The following RAB27B variants were observed in gnomAD, a reference collection of about 807,000 sequenced individuals.
RAB27B encodes ras-related protein Rab-27B.
In RAB27B, 15 loss-of-function variants were observed where a neutral mutation model predicts 24.6. The ratio of observed to expected loss-of-function variants is 0.61; its 90% CI spans 0.41 to 0.94. The LOEUF is 0.94. RAB27B is among the 40% of genes least tolerant of loss of function. The pLI is 0.00. For synonymous variants in RAB27B, 105 were observed against 92.5 expected (o/e 1.14, Z -0.78); for missense variants, 261 against 266.8 (o/e 0.98, Z 0.15).
At chr18:54,825,854 C>A (rs1014076390), upstream of RAB27B, among the ~76,000 whole-genome samples, 3 of 152,308 alleles carry the variant, frequency 2.0e-5, no homozygotes, top group Non-Finnish European at 4.4e-5. Context: ...TTTACCCCAC[C>A]ACCTGGCCTC....
chr18:54,873,726 TGTGA>T (rs1912575422), intron 1 of RAB27B, among the ~76,000 whole-genome samples: 4 of 147,936 alleles, frequency 2.7e-5, no homozygotes, highest in African/African-American at 1.0e-4. Context: ...TGTGTGTGTG[TGTGA>T]GTGTGTTGAC....
At chr18:54,752,221 G>C (rs1396224921) in intron 2 of RAB27B, among the ~76,000 whole-genome samples, 1 of 151,886 alleles carries the variant, frequency 6.6e-6, no homozygotes, top group African/African-American at 2.4e-5. Flanking sequence ...TCTATATATG[G>C]GCACTAACTG....
chr18:54,871,240 G>T (rs1425733946), intron 1 of RAB27B, among the ~76,000 whole-genome samples: 1 of 152,114 alleles, frequency 6.6e-6, no homozygotes, highest in South Asian at 2.1e-4. Context: ...CCTCAGAAAC[G>T]TGCCTTCTGT....
chr18:54,790,371 C>G (rs906416474), intron 2 of RAB27B, among the ~76,000 whole-genome samples: 6 of 152,062 alleles, frequency 3.9e-5, no homozygotes, highest in African/African-American at 1.4e-4. Flanking sequence ...AAAAATTATT[C>G]CTTTTCAAAT....
intron 2 of RAB27B, among the ~76,000 whole-genome samples, chr18:54,802,446 G>A (rs1443958909): frequency 6.6e-6 from 1 of 152,088 alleles, no homozygotes; most frequent in African/African-American, 2.4e-5. Flanking sequence ...GTTTTTCTAG[G>A]ACTTGTTGCA....
intron 2 of RAB27B, among the ~76,000 whole-genome samples, chr18:54,810,355 T>C (rs1256884066): frequency 6.6e-6 from 1 of 152,174 alleles, no homozygotes; most frequent in African/African-American, 2.4e-5. Flanking sequence ...TCTACCAAAG[T>C]ATGTGTCAGG....
At chr18:54,757,253 G>A (rs1020557561) in intron 2 of RAB27B, among the ~76,000 whole-genome samples, 1 of 152,170 alleles carries the variant, frequency 6.6e-6, no homozygotes, top group Non-Finnish European at 1.5e-5. Context: ...GGAGCCCATG[G>A]ATTCCCAAGC....
chr18:54,771,414 T>C (rs1483391515), intron 2 of RAB27B, among the ~76,000 whole-genome samples: 1 of 152,154 alleles, frequency 6.6e-6, no homozygotes, highest in Non-Finnish European at 1.5e-5. Flanking sequence ...GTGCCATTCA[T>C]GATGAGAAGT....
chr18:54,867,289 A>G (rs555530194), intron 1 of RAB27B, among the ~76,000 whole-genome samples: 1 of 152,140 alleles, frequency 6.6e-6, no homozygotes, highest in Non-Finnish European at 1.5e-5. Context: ...GTGGTGTTCT[A>G]CTACTAACGT....
chr18:54,812,913 AATG>A lies in RAB27B; in HGVS notation c.-19-64651_-19-64649del, dbSNP rs376056334. On this transcript the variant is annotated intron_variant, in intron 2 of 4. Transcript: ENST00000586570. ...ATATTTTCCCCATCTTCTTGATGCAAATGATAATTCTGTCTCAGCCTGAGAAAT... is the reference window on the plus strand; with the variant it reads ...ATATTTTCCCCATCTTCTTGATGCAAATAATTCTGTCTCAGCCTGAGAAAT... Among the ~76,000 whole-genome samples, 519 of 152,298 alleles carry A rather than the reference AATG, an allele frequency of 3.4e-3. 8 individuals carry two copies. The highest frequency in any genetic ancestry group is 0.012 in the African/African-American group (501 of 41,556).
rs61437259 is a variant in RAB27B at position 54,785,265 on chromosome 18, C to CTAATT, written c.-20+67125_-20+67126insAATTT. Among the ~76,000 whole-genome samples the CTAATT allele has an allele frequency of 8.6e-4, 130 of 151,832 alleles. 1 individual carries two copies. The highest frequency in any genetic ancestry group is 2.9e-3 in the African/African-American group (121 of 41,310). Reference sequence around the variant, plus strand: ...TACAGGTGTGCATCAGCATGTCTGGCTTTTTTTTGTATTTTAGGTAGAGAC... The same window carrying CTAATT: ...TACAGGTGTGCATCAGCATGTCTGGCTAATTTTTTTTTTGTATTTTAGGTAGAGAC... On this transcript the variant is annotated intron_variant, in intron 2 of 4. Transcript: ENST00000586570.
intron 1 of RAB27B, among the ~76,000 whole-genome samples, chr18:54,830,014 C>T (rs866320313): frequency 2.0e-5 from 3 of 152,008 alleles, no homozygotes; most frequent in Non-Finnish European, 2.9e-5. Flanking sequence ...TCATTGCTTT[C>T]GAAAGGAAAA....
upstream of RAB27B, among the ~76,000 whole-genome samples, chr18:54,824,929 T>C (rs1910425124): frequency 6.6e-6 from 1 of 152,216 alleles, no homozygotes; most frequent in Non-Finnish European, 1.5e-5. Flanking sequence ...CTGCCTCTTA[T>C]GTTGGGCCTG....
chr18:54,857,433 A>G (rs1356635021), intron 1 of RAB27B, among the ~76,000 whole-genome samples: 1 of 152,258 alleles, frequency 6.6e-6, no homozygotes, highest in African/African-American at 2.4e-5. Context: ...ATTATCAATA[A>G]AAAAGAGCAT....
At chr18:54,778,659 T>G (rs572406240) in intron 2 of RAB27B, among the ~76,000 whole-genome samples, 1 of 152,268 alleles carries the variant, frequency 6.6e-6, no homozygotes, top group East Asian at 1.9e-4. Flanking sequence ...ATTTTCTGTT[T>G]ATGGCCATCT....
Position 54,874,540 on chromosome 18 carries a change from G to A in RAB27B, c.-19-3027G>A, listed in dbSNP as rs144224591. ...ACTTAGTGTTTCTTGAGACTGTCAC[G>A]CATTCATACACACACATTTGCTAAA... On this transcript the variant is annotated intron_variant, in intron 1 of 5. Transcript: ENST00000262094. Among the ~76,000 whole-genome samples, 387 of 146,490 alleles carry A rather than the reference G, an allele frequency of 2.6e-3. 4 individuals carry two copies. The highest frequency in any genetic ancestry group is 8.8e-3 in the African/African-American group (345 of 39,386).
chr18:54,783,257 A>C (rs1358444800), intron 2 of RAB27B, among the ~76,000 whole-genome samples: 2 of 152,120 alleles, frequency 1.3e-5, no homozygotes, highest in Non-Finnish European at 2.9e-5. Flanking sequence ...ATGAGCCATC[A>C]TGCTTGGCCT....
At chr18:54,827,526 G>A (rs1309856032), upstream of RAB27B, among the ~76,000 whole-genome samples, 4 of 152,016 alleles carry the variant, frequency 2.6e-5, no homozygotes, top group African/African-American at 9.7e-5. Context: ...TTTTGGTTTG[G>A]GCTATTCCTT....
chr18:54,804,932 TTCTTTCTTTCTTTCTTTCTTTC>T (rs1827854082), intron 2 of RAB27B, among the ~76,000 whole-genome samples: 10 of 138,218 alleles, frequency 7.2e-5, no homozygotes, highest in African/African-American at 1.3e-4. Context: ...CTTTCTTTCT[TTCTTTCTTTCTTTCTTTCTTTC>T]TCTTTCTTTC....
Sources: allele counts gnomAD v4.1 joint callset (sites outside exome capture counted in the v4.1 genomes callset), GRCh38; gene constraint gnomAD v4.1.1; transcripts MANE v1.5; gene names NCBI Gene and HGNC (gene_info 2026-07-23, HGNC 2026-07-21).